KAT6A: variants seen among roughly 807,000 people sequenced by gnomAD.
KAT6A encodes lysine acetyltransferase 6A.
In KAT6A, 9 loss-of-function variants were observed where a neutral mutation model predicts 198.4. The ratio of observed to expected loss-of-function variants is 0.05; its 90% CI spans 0.03 to 0.08. The LOEUF (loss-of-function observed/expected upper bound fraction) is 0.08, where lower values mean the gene tolerates loss of function less well. Ranked by LOEUF, KAT6A falls within the 10% of genes least tolerant of loss-of-function variation. The probability of loss-of-function intolerance (pLI) is 1.00; values close to 1 mark genes in which losing one functional copy is unlikely to be tolerated. For missense variants in KAT6A, 2,077 were observed against 2,509.9 expected (o/e 0.83, Z 3.69); for synonymous variants, 890 against 883.0 (o/e 1.01, Z -0.14).
At chr8:42,021,992 A>C (rs1000524520) in intron 2 of KAT6A, among the ~76,000 whole-genome samples, 1 of 152,176 alleles carries the variant, frequency 6.6e-6, no homozygotes, top group Admixed American at 6.5e-5. Flanking sequence ...TAACAATTTC[A>C]GTTTATCTCA....
chr8:42,009,532 T>C (rs1825910353), intron 2 of KAT6A, among the ~76,000 whole-genome samples: 1 of 151,776 alleles, frequency 6.6e-6, no homozygotes, highest in Admixed American at 6.6e-5. Context: ...AATGGGTGCA[T>C]GTGGGTGCAT....
At position 41,944,270 on chromosome 8, in the gene KAT6A, G is replaced by A. The variant is rs535839121; in HGVS notation, c.1997-291C>T. ...AAAAATCAGGACTGTTAACAGTTTC[G>A]TTCAACGTCCTGGGGAAAACAAGCC... On this transcript the variant is annotated intron_variant, in intron 12 of 16. Coordinates refer to ENST00000265713, the MANE Select transcript of KAT6A (RefSeq NM_006766.5). Among the ~76,000 whole-genome samples the A allele has an allele frequency of 5.9e-5, 9 of 152,188 alleles. No homozygotes were observed. In the South Asian group the frequency reaches 8.3e-4, roughly 14 times the overall value.
At chr8:41,990,982 G>A (rs1431680047) in intron 2 of KAT6A, among the ~76,000 whole-genome samples, 1 of 135,258 alleles carries the variant, frequency 7.4e-6, no homozygotes, top group African/African-American at 2.9e-5. Context: ...GTGACAGGGC[G>A]AGACTCCGTC....
intron 2 of KAT6A, among the ~76,000 whole-genome samples, chr8:42,000,424 G>A (rs576894600): frequency 6.6e-6 from 1 of 151,904 alleles, no homozygotes; most frequent in African/African-American, 2.4e-5. Context: ...GGTGGCAAGC[G>A]CCTGTAATCC....
chr8:42,026,385 A>C (rs570919051), intron 2 of KAT6A, among the ~76,000 whole-genome samples: 50 of 152,286 alleles, frequency 3.3e-4, no homozygotes, highest in Middle Eastern at 6.8e-3. Flanking sequence ...CAACAACAGT[A>C]ATTCTTCCAA....
At chr8:41,979,984 G>A (rs1019431464) in intron 5 of KAT6A, among the ~76,000 whole-genome samples, 18 of 152,272 alleles carry the variant, frequency 1.2e-4, no homozygotes, top group Middle Eastern at 3.4e-3. Flanking sequence ...CCATGGGTGA[G>A]GGGGTGGAAT....
chr8:41,964,436 A>G (rs1285618994), intron 8 of KAT6A, among the ~76,000 whole-genome samples: 1 of 152,116 alleles, frequency 6.6e-6, no homozygotes, highest in African/African-American at 2.4e-5. Context: ...GAATACCTGA[A>G]AACTGCAGAT....
chr8:42,027,034 G>A (rs1826850200), intron 2 of KAT6A, among the ~76,000 whole-genome samples: 1 of 152,120 alleles, frequency 6.6e-6, no homozygotes, highest in Admixed American at 6.6e-5. Context: ...CAAGATATTT[G>A]TCCACTCTAT....
intron 5 of KAT6A, among the ~76,000 whole-genome samples, chr8:41,979,228 A>G (rs13259285): frequency 3.3e-5 from 5 of 152,160 alleles, no homozygotes; most frequent in Admixed American, 6.5e-5. Context: ...AGATTGCACC[A>G]CTGCATTCCA....
intron 4 of KAT6A, among the ~76,000 whole-genome samples, 184 bp from the exon 5 acceptor site, chr8:41,981,111 A>C (rs1824335352): frequency 6.6e-6 from 1 of 152,214 alleles, no homozygotes; most frequent in Non-Finnish European, 1.5e-5. Context: ...TGAGGTCAGG[A>C]GTTCGAGACT....
At chr8:42,051,281 C>T (rs1457373456) in intron 1 of KAT6A, among the ~76,000 whole-genome samples, 1 of 151,974 alleles carries the variant, frequency 6.6e-6, no homozygotes, top group African/African-American at 2.4e-5. Context: ...GACAGCCCGG[C>T]AGACACAACA....
At chr8:41,957,902 G>C (rs1823003955) in intron 8 of KAT6A, 1 of 152,324 alleles carries the variant, frequency 6.6e-6, no homozygotes, top group Admixed American at 6.5e-5. Context: ...GATCTGGTAG[G>C]GACACCAAAA....
chr8:42,000,800 AG>A (rs1825460484), intron 2 of KAT6A, among the ~76,000 whole-genome samples: 1 of 152,200 alleles, frequency 6.6e-6, no homozygotes, highest in Non-Finnish European at 1.5e-5. Context: ...TGGAACTGAA[AG>A]GGATCTGCAA....
chr8:42,014,595 A>G (rs1307370808), intron 2 of KAT6A, among the ~76,000 whole-genome samples: 1 of 152,244 alleles, frequency 6.6e-6, no homozygotes, highest in East Asian at 1.9e-4. Context: ...TGTATGATCA[A>G]TAAGGGGCAG....
At chr8:41,980,148 A>G (rs1824277375) in intron 5 of KAT6A, among the ~76,000 whole-genome samples, 1 of 152,226 alleles carries the variant, frequency 6.6e-6, no homozygotes, top group Non-Finnish European at 1.5e-5. Flanking sequence ...AATCAGAGTT[A>G]AAATGGAATT....
intron 2 of KAT6A, among the ~76,000 whole-genome samples, chr8:42,038,411 T>C (rs200100015): frequency 1.3e-5 from 2 of 152,222 alleles, no homozygotes; most frequent in African/African-American, 2.4e-5. Flanking sequence ...ATTTATATAT[T>C]TGTGGTTTAC....
rs749310377 is a variant in KAT6A, at chr8:41,947,825, C to T, written c.1828G>A (p.Val610Met). The change falls in exon 11 of 17, where the codon GTG becomes ATG. Residue 610 changes from valine to methionine, a missense_variant. Coordinates refer to ENST00000265713, the MANE Select transcript of KAT6A (RefSeq NM_006766.5). ...FLDHKTLYYD[V>M]EPFLFYVLTQ... is the part of the protein sequence containing the mutation. ...AGTACATAAAAAAGAAATGGCTCCA[C>T]ATCGTAATAGAGGGTTTTGTGGTCA... 2 of 1,609,996 alleles carry T rather than the reference C, an allele frequency of 1.2e-6. No individual in the cohort carries two copies. Among genetic ancestry groups the T allele is most frequent in the Non-Finnish European group, 1.7e-6 (2 of 1,178,974 alleles).
intron 8 of KAT6A, among the ~76,000 whole-genome samples, chr8:41,962,974 C>G (rs916491529): frequency 2.0e-5 from 3 of 152,118 alleles, no homozygotes; most frequent in Non-Finnish European, 1.5e-5. Flanking sequence ...GAGACAGTCC[C>G]CACCTGACCA....
chr8:41,989,311 C>G (rs186682557), intron 2 of KAT6A, among the ~76,000 whole-genome samples: 33 of 152,186 alleles, frequency 2.2e-4, no homozygotes, highest in African/African-American at 7.2e-4. Flanking sequence ...GAGTTTGAGA[C>G]CAGCATGGCC....
Sources: allele counts gnomAD v4.1 joint callset (sites outside exome capture counted in the v4.1 genomes callset), GRCh38; gene constraint gnomAD v4.1.1; transcripts MANE v1.5; gene names NCBI Gene and HGNC (gene_info 2026-07-23, HGNC 2026-07-21).